OSBPL10: variants seen among roughly 807,000 people sequenced by gnomAD.
OSBPL10 encodes the protein oxysterol-binding protein-related protein 10.
A neutral mutation model predicts 81.7 loss-of-function variants in OSBPL10; 49 were observed. That is an observed-to-expected ratio of 0.60 (90% CI 0.48 to 0.76). OSBPL10 has a LOEUF of 0.76. OSBPL10 is among the 30% of genes least tolerant of loss of function. The probability of loss-of-function intolerance (pLI) is 0.00; values close to 1 mark genes in which losing one functional copy is unlikely to be tolerated. For synonymous variants in OSBPL10, 419 were observed against 383.6 expected (o/e 1.09, Z -1.08); for missense variants, 923 against 987.8 (o/e 0.93, Z 0.88).
intron 1 of OSBPL10, among the ~76,000 whole-genome samples, chr3:31,883,741 A>G (rs1695657638): frequency 6.6e-6 from 1 of 151,990 alleles, no homozygotes; most frequent in Non-Finnish European, 1.5e-5. Flanking sequence ...CATGTTGGCC[A>G]GGCAGGTCCT....
At chr3:32,029,782 T>C (rs1043762064) in intron 2 of OSBPL10, among the ~76,000 whole-genome samples, 1 of 152,142 alleles carries the variant, frequency 6.6e-6, no homozygotes, top group African/African-American at 2.4e-5. Context: ...ATATCTCAGG[T>C]AGAGCCAGAG....
Position 31,694,764 on chromosome 3 carries a change from G to GT in OSBPL10, c.1245+7594dup, listed in dbSNP as rs201824221. Among the ~76,000 whole-genome samples, 533 of 152,126 alleles carry GT rather than the reference G, an allele frequency of 3.5e-3. 2 individuals carry two copies. The highest frequency in any genetic ancestry group is 0.012 in the African/African-American group (512 of 41,516). On this transcript the variant is annotated intron_variant, in intron 7 of 11. Transcript: ENST00000396556. ...AATCTTTTGTTTGTTTGTTTGTTTT[G>GT]TTTTTTTGAGACGGACTTTCACTCT...
chr3:31,743,287 G>C (rs12495605), intron 5 of OSBPL10, among the ~76,000 whole-genome samples: 47,949 of 151,794 alleles, frequency 0.32, 7,808 homozygotes, highest in Middle Eastern at 0.37. Flanking sequence ...GATCCACCCG[G>C]CCCGGCCTCC....
intron 8 of OSBPL10, among the ~76,000 whole-genome samples, chr3:31,671,477 G>A (rs1034583911): frequency 1.3e-5 from 2 of 152,098 alleles, no homozygotes; most frequent in South Asian, 4.1e-4. Flanking sequence ...ATATATAGGT[G>A]TGGAGGATGA....
chr3:31,828,478 T>C (rs1000622897), intron 4 of OSBPL10, among the ~76,000 whole-genome samples: 4 of 152,232 alleles, frequency 2.6e-5, no homozygotes, highest in African/African-American at 7.2e-5. Context: ...TATAAACCTG[T>C]GCACAATCAT....
At position 31,967,441 on chromosome 3, in the gene OSBPL10, C is replaced by G. The variant is rs143953674; in HGVS notation, c.281+13458G>C. On this transcript the variant is annotated intron_variant, in intron 1 of 11. Coordinates refer to ENST00000396556, the MANE Select transcript of OSBPL10 (RefSeq NM_017784.5). ...GCTACAATGAGCTGTGATTGCACCA[C>G]TGCACTCCAGCGTGGACAACAGAGC... Among the ~76,000 whole-genome samples the G allele has an allele frequency of 1.5e-3, 235 of 151,976 alleles. 2 individuals carry two copies. Among genetic ancestry groups the G allele is most frequent in the Middle Eastern group, 0.014 (4 of 294 alleles).
intron 6 of OSBPL10, among the ~76,000 whole-genome samples, chr3:31,731,873 T>C (rs1216009964): frequency 3.9e-5 from 6 of 152,166 alleles, no homozygotes; most frequent in African/African-American, 1.4e-4. Context: ...GCAACAACTT[T>C]GTGTAAAAAA....
At chr3:32,036,208 C>T (rs763119287) in intron 2 of OSBPL10, among the ~76,000 whole-genome samples, 4 of 152,232 alleles carry the variant, frequency 2.6e-5, no homozygotes, top group East Asian at 1.9e-4. Context: ...ACACCACGCC[C>T]GGCTAATCTT....
intron 1 of OSBPL10, among the ~76,000 whole-genome samples, chr3:31,893,810 G>A (rs540995479): frequency 6.6e-4 from 100 of 152,184 alleles, no homozygotes; most frequent in Non-Finnish European, 1.3e-3. Context: ...GAAACAGAGA[G>A]ACAAAAAGAT....
intron 3 of OSBPL10, among the ~76,000 whole-genome samples, chr3:31,863,664 T>G (rs12636644): frequency 6.6e-6 from 1 of 152,124 alleles, no homozygotes; most frequent in Non-Finnish European, 1.5e-5. Context: ...TTACTATTAT[T>G]TCCTTTTCCC....
intron 4 of OSBPL10, among the ~76,000 whole-genome samples, chr3:31,772,654 G>T (rs894601872): frequency 2.0e-5 from 3 of 152,206 alleles, no homozygotes; most frequent in Non-Finnish European, 2.9e-5. Context: ...ATCTCCGCAT[G>T]AAGCTGAAAC....
intron 2 of OSBPL10, chr3:31,991,114 A>G (rs1327900408): frequency 1.1e-6 from 1 of 874,768 alleles, no homozygotes; most frequent in Non-Finnish European, 1.8e-6. Flanking sequence ...TTGACTTGAC[A>G]TTGAGTTCAA....
chr3:31,914,854 A>ATACC (rs1696704198), intron 1 of OSBPL10, among the ~76,000 whole-genome samples: 2 of 152,346 alleles, frequency 1.3e-5, no homozygotes, highest in Admixed American at 6.5e-5. Flanking sequence ...ATTGGACAAC[A>ATACC]TACCTATATA....
intron 1 of OSBPL10, among the ~76,000 whole-genome samples, chr3:31,979,125 C>T (rs942226171): frequency 6.6e-5 from 10 of 152,172 alleles, no homozygotes; most frequent in African/African-American, 2.2e-4. Flanking sequence ...TTGCCATTAA[C>T]GAGACATAAT....
At chr3:31,999,907 C>T (rs1699128590) in intron 2 of OSBPL10, among the ~76,000 whole-genome samples, 2 of 152,176 alleles carry the variant, frequency 1.3e-5, no homozygotes, top group Admixed American at 1.3e-4. Context: ...TCATTCGATT[C>T]CCTTGCCCTT....
intron 7 of OSBPL10, among the ~76,000 whole-genome samples, chr3:31,698,513 C>T (rs1695796598): frequency 6.6e-6 from 1 of 151,852 alleles, no homozygotes; most frequent in Admixed American, 6.6e-5. Flanking sequence ...TTGCTCAAAA[C>T]CCTCCAATGG....
chr3:31,942,674 T>G (rs911783590), intron 1 of OSBPL10, among the ~76,000 whole-genome samples: 4 of 152,082 alleles, frequency 2.6e-5, no homozygotes. Context: ...CAAACCCATT[T>G]AAAGCACAGG....
At chr3:32,024,057 A>G (rs895370921) in intron 2 of OSBPL10, among the ~76,000 whole-genome samples, 1 of 152,226 alleles carries the variant, frequency 6.6e-6, no homozygotes, top group Non-Finnish European at 1.5e-5. Flanking sequence ...CCTACTGTAC[A>G]TGCCTATGCT....
intron 4 of OSBPL10, among the ~76,000 whole-genome samples, chr3:31,827,430 A>T (rs950894292): frequency 1.3e-5 from 2 of 152,092 alleles, no homozygotes; most frequent in Non-Finnish European, 2.9e-5. Flanking sequence ...AGGTCAGGAG[A>T]TCAAGACCAG....
Sources: allele counts gnomAD v4.1 joint callset (sites outside exome capture counted in the v4.1 genomes callset), GRCh38; gene constraint gnomAD v4.1.1; transcripts MANE v1.5; gene names NCBI Gene and HGNC (gene_info 2026-07-23, HGNC 2026-07-21).